Variants in CEP126 observed in about 807,000 individuals in gnomAD.
CEP126 encodes the protein centrosomal protein of 126 kDa.
Under a neutral mutation model 107.8 loss-of-function variants are expected in CEP126, and 74 were observed. That is an observed-to-expected ratio of 0.69 (90% CI 0.57 to 0.83). The LOEUF (loss-of-function observed/expected upper bound fraction) is 0.83, where lower values mean the gene tolerates loss of function less well. Among genes scored for constraint, CEP126 ranks in the 40% least tolerant of loss-of-function variants. CEP126 has a pLI of 0.00. For synonymous variants in CEP126, 449 were observed against 446.0 expected, an observed-to-expected ratio of 1.01 and a Z score of -0.08; for missense variants, 1,237 against 1,281.9, an observed-to-expected ratio of 0.96 and a Z score of 0.53.
rs1265157908 is a variant in CEP126 at position 101,935,045 on chromosome 11, T to C, written c.249-9220T>C. On this transcript the variant is annotated intron_variant, in intron 2 of 10. Coordinates refer to ENST00000263468, the MANE Select transcript of CEP126 (RefSeq NM_020802.4). ...TTGTGCATGTGAGTCCCAGTGGCTT[T>C]ATAACCTTCCCAGTCAGCCTTTTTA... Among the ~76,000 whole-genome samples, 3 of 152,222 alleles carry C rather than the reference T, an allele frequency of 2.0e-5. No homozygotes were observed. The East Asian group carries it at 5.8e-4, about 29-fold the overall frequency.
rs781446719 is a variant in CEP126, at chr11:101,963,675, T to C, written c.2640T>C (p.Ser880=). ...TVIPSLPSYC[S]SECQTFAKIN... ...TACCATCACTGCCATCATATTGTTCTTCAGAGTGCCAAACTTTCGCAAAAA... is the reference window on the plus strand; with the variant it reads ...TACCATCACTGCCATCATATTGTTCCTCAGAGTGCCAAACTTTCGCAAAAA... Residue 880 remains serine, a synonymous_variant, in exon 6 of 11, where the codon TCT becomes TCC. Transcript: ENST00000263468. 1.2e-6 allele frequency: 2 copies of C among 1,614,160 alleles called. No homozygotes were observed. The highest frequency in any genetic ancestry group is 1.7e-5 in the Admixed American group (1 of 60,028).
chr11:101,938,615 A>G (rs542774018), intron 2 of CEP126, among the ~76,000 whole-genome samples: 1 of 152,098 alleles, frequency 6.6e-6, no homozygotes, highest in African/African-American at 2.4e-5. Flanking sequence ...TGGAAAGCCA[A>G]GGTAGGAGGA....
chr11:101,965,790 G>T (rs1050576430), intron 6 of CEP126, among the ~76,000 whole-genome samples: 1 of 152,222 alleles, frequency 6.6e-6, no homozygotes, highest in South Asian at 2.1e-4. Context: ...TTGCAAAGAA[G>T]TAAGCAGAAT....
At chr11:101,991,603 C>A (rs758306044) in intron 9 of CEP126, among the ~76,000 whole-genome samples, 12 of 151,960 alleles carry the variant, frequency 7.9e-5, no homozygotes, top group Non-Finnish European at 1.3e-4. Context: ...TCTTAAGAGA[C>A]AGATATGTGA....
intron 2 of CEP126, among the ~76,000 whole-genome samples, chr11:101,938,261 C>T (rs1054520779): frequency 3.3e-5 from 5 of 150,592 alleles, no homozygotes; most frequent in Non-Finnish European, 7.4e-5. Context: ...TTTTTTAAGG[C>T]CTGAGGTATT....
chr11:101,922,164 A>ATTT (rs5794147), intron 1 of CEP126, among the ~76,000 whole-genome samples: 4 of 132,056 alleles, frequency 3.0e-5, no homozygotes, highest in Non-Finnish European at 6.4e-5. Context: ...CCAAGTCAGA[A>ATTT]TTTTTTTTTT....
chr11:101,982,483 A>T (rs1255342430), intron 8 of CEP126, among the ~76,000 whole-genome samples: 3 of 152,122 alleles, frequency 2.0e-5, no homozygotes, highest in Admixed American at 2.0e-4. Flanking sequence ...ACCTTTCATT[A>T]ATATTATGCT....
Position 101,962,951 on chromosome 11 carries a change from T to C in CEP126, c.1916T>C (p.Ile639Thr), listed in dbSNP as rs1941000735. 6.2e-7 allele frequency: 1 copy of C among 1,610,638 alleles called. No homozygotes were observed. The highest frequency in any genetic ancestry group is 8.5e-7 in the Non-Finnish European group (1 of 1,179,176). The change falls in exon 6 of 11, where the codon ATA (isoleucine) becomes ACA (threonine). Residue 639 changes from isoleucine to threonine, a missense_variant. Ile to Thr is a moderately conservative substitution (Grantham distance 89, BLOSUM62 -1). Coordinates refer to ENST00000263468, the MANE Select transcript of CEP126 (RefSeq NM_020802.4). ...AGGTGGTTTGATGAAACTAGCAATA[T>C]AGAAAACAATGCTGAAAACAGTCAT... ...KLRWFDETSN[I>T]ENNAENSHSL...
intron 6 of CEP126, 95 bp downstream of exon 6, chr11:101,963,975 C>T: frequency 1.3e-6 from 1 of 752,362 alleles, no homozygotes. Context: ...ATACATACTA[C>T]ATAAATATTA....
chr11:101,963,797 T>C lies in CEP126; in HGVS notation c.2762T>C (p.Val921Ala). 1.9e-6 allele frequency: 3 copies of C among 1,614,174 alleles called. No homozygotes were observed. Among genetic ancestry groups the C allele is most frequent in the Non-Finnish European group, 2.5e-6 (3 of 1,180,010 alleles). ...SPVCEESYPS[V>A]TLRTAEEESV... Reference sequence around the variant, plus strand: ...GTTTGTGAAGAAAGTTATCCGTCTGTGACTCTAAGAACTGCTGAAGAAGAA... The same window carrying C: ...GTTTGTGAAGAAAGTTATCCGTCTGCGACTCTAAGAACTGCTGAAGAAGAA... Residue 921 changes from valine (V) to alanine (A), a missense_variant, in exon 6 of 11, where the codon GTG (valine) becomes GCG (alanine). Around this residue, in one of 3 missense-constraint regions of CEP126, gnomAD observed 1,134 missense variants for 1,150.5 expected, o/e 0.99. Transcript: ENST00000263468.
Position 101,998,166 on chromosome 11 carries a change from G to GGTTA in CEP126, c.*524_*527dup, listed in dbSNP as rs1172859311. ...CCCTTGGTGGCAGCAATAGAGCAAA[G>GGTTA]GTTACCTTTTTGTATGGTGAAGGGA... On this transcript the variant is annotated 3_prime_UTR_variant, in exon 11 of 11. Transcript: ENST00000263468. 4 of 152,464 alleles carry GGTTA rather than the reference G, an allele frequency of 2.6e-5. No homozygotes were observed. The highest frequency in any genetic ancestry group is 5.9e-5 in the Non-Finnish European group (4 of 68,336). The allele number at this position is 152,464 out of a possible 1,614,324, so 9.4% of individuals were successfully genotyped here.
chr11:101,994,149 C>T (rs1400995865), intron 10 of CEP126, among the ~76,000 whole-genome samples: 4 of 152,168 alleles, frequency 2.6e-5, no homozygotes, highest in Non-Finnish European at 5.9e-5. Flanking sequence ...GCAGGAGAAT[C>T]GCTTGAAACT....
At chr11:101,993,379 A>G (rs1941407666) in intron 10 of CEP126, among the ~76,000 whole-genome samples, 1 of 152,186 alleles carries the variant, frequency 6.6e-6, no homozygotes, top group Non-Finnish European at 1.5e-5. Flanking sequence ...GTTGCTGCAA[A>G]GGACATGATC....
intron 9 of CEP126, among the ~76,000 whole-genome samples, chr11:101,988,344 C>G (rs1462301197): frequency 6.6e-6 from 1 of 151,946 alleles, no homozygotes; most frequent in Non-Finnish European, 1.5e-5. Context: ...GATTATGAAT[C>G]AAAGAAATTT....
rs1941487542 is a variant in CEP126 at position 101,999,891 on chromosome 11, T to TA, written c.*2253dup. The TA allele has an allele frequency of 6.6e-6, 1 of 152,038 alleles. No homozygotes were observed. The highest frequency in any genetic ancestry group is 2.1e-4 in the South Asian group (1 of 4,800). 9.4% of individuals were successfully genotyped at this position (152,038 alleles called of 1,614,324 possible). ...CAAGACCCCATCTCTATATAAAATA[T>TA]AAAAATGTTGGCTGTGCACGGTAGC... On this transcript the variant is annotated 3_prime_UTR_variant, in exon 11 of 11. Coordinates refer to ENST00000263468, the MANE Select transcript of CEP126 (RefSeq NM_020802.4).
At chr11:101,996,422 T>C (rs1163416274) in intron 10 of CEP126, among the ~76,000 whole-genome samples, 1 of 152,224 alleles carries the variant, frequency 6.6e-6, no homozygotes, top group Non-Finnish European at 1.5e-5. Context: ...CCTTGCCCCA[T>C]ATACTCTGAT....
intron 4 of CEP126, among the ~76,000 whole-genome samples, chr11:101,948,887 A>G (rs955055092): frequency 6.6e-6 from 1 of 152,234 alleles, no homozygotes; most frequent in African/African-American, 2.4e-5. Context: ...TCCACAATTC[A>G]GACAATAAAT....
At position 101,944,374 on chromosome 11, in the gene CEP126, C is replaced by T. The variant is rs1432108672; in HGVS notation, c.358C>T (p.Arg120Cys). Reference protein sequence around the residue: ...KFEEVTEKFQRAHVPLSQRRK... With the variant: ...KFEEVTEKFQCAHVPLSQRRK... ...TGAAGAAGTTACTGAAAAATTCCAGCGTGCCCATGTTCCTCTTTCACAGCG... is the reference window on the plus strand; with the variant it reads ...TGAAGAAGTTACTGAAAAATTCCAGTGTGCCCATGTTCCTCTTTCACAGCG... The change falls in exon 3 of 11, where the codon CGT (arginine) becomes TGT (cysteine). Residue 120 changes from arginine (R) to cysteine (C), a missense_variant. Arg to Cys is a radical substitution (Grantham distance 180, BLOSUM62 -3). Transcript: ENST00000263468. The T allele has an allele frequency of 1.2e-6, 2 of 1,611,666 alleles. No homozygotes were observed. The highest frequency in any genetic ancestry group is 2.2e-5 in the East Asian group (1 of 44,750).
At chr11:101,940,747 G>A (rs1940651936) in intron 2 of CEP126, among the ~76,000 whole-genome samples, 1 of 152,128 alleles carries the variant, frequency 6.6e-6, no homozygotes, top group African/African-American at 2.4e-5. Context: ...AGCTAGCTTG[G>A]GCTTCTTTTC....
Sources: allele counts gnomAD v4.1 joint callset (sites outside exome capture counted in the v4.1 genomes callset), GRCh38; gene constraint gnomAD v4.1.1; regional missense constraint gnomAD v4.1.1; transcripts MANE v1.5; gene names NCBI Gene and HGNC (gene_info 2026-07-23, HGNC 2026-07-21).